The following GRHL1 variants were observed in gnomAD, a reference collection of about 807,000 sequenced individuals.
The protein encoded by GRHL1 is grainyhead-like protein 1 homolog.
In GRHL1, 38 loss-of-function variants were observed where a neutral mutation model predicts 75.7. The observed-to-expected ratio is 0.50, with a 90% CI of 0.39 to 0.66. The LOEUF (loss-of-function observed/expected upper bound fraction) is 0.66. Ranked by LOEUF, GRHL1 falls within the 30% of genes least tolerant of loss-of-function variation. The pLI, the probability that GRHL1 is intolerant of heterozygous loss-of-function variation, is 0.00. For missense variants in GRHL1, 589 were observed against 767.5 expected, an observed-to-expected ratio of 0.77 and a Z score of 2.75; for synonymous variants, 266 against 279.4, an observed-to-expected ratio of 0.95 and a Z score of 0.48.
At chr2:9,993,357 A>G (rs1668725340) in intron 12 of GRHL1, 113 bp downstream of exon 12, 1 of 837,364 alleles carries the variant, frequency 1.2e-6, no homozygotes. Context: ...CATCAAGGAT[A>G]AGTTGCCAGC....
At chr2:9,979,305 G>C (rs116088154) in intron 8 of GRHL1, among the ~76,000 whole-genome samples, 5,089 of 151,008 alleles carry the variant, frequency 0.034, 303 homozygotes, top group African/African-American at 0.12. Flanking sequence ...GCATGACACA[G>C]CTCACTGCAG....
chr2:9,972,293 A>C (rs1572355317), intron 8 of GRHL1, among the ~76,000 whole-genome samples: 1 of 146,816 alleles, frequency 6.8e-6, no homozygotes, highest in African/African-American at 2.5e-5. Context: ...ACAGCTTGTC[A>C]CCTTAACCCT....
At chr2:9,954,518 G>A (rs1666927186) in intron 1 of GRHL1, among the ~76,000 whole-genome samples, 1 of 152,188 alleles carries the variant, frequency 6.6e-6, no homozygotes, top group African/African-American at 2.4e-5. Flanking sequence ...AACGGCACAC[G>A]CTCTTCTCAA....
chr2:9,996,225 A>G (rs1011728322), intron 13 of GRHL1, 91 bp from the exon 14 acceptor site: 68 of 896,558 alleles, frequency 7.6e-5, no homozygotes, highest in Non-Finnish European at 1.2e-4. Context: ...TTTAGCTGGT[A>G]CCGTGGTCTG....
In GRHL1 at chr2:9,964,746, A is replaced by G. The variant is rs1667418474; in HGVS notation, c.1015+400A>G. ...TATTGCTGCTGTGCAGTTGCCTAAC[A>G]GTCTTCCCTAGTCACGTGCTAAACC... On this transcript the variant is annotated intron_variant, in intron 7 of 15. Transcript: ENST00000324907. 2.8e-5 allele frequency: 5 copies of G among 175,470 alleles called. No individual in the cohort carries two copies. The South Asian group carries it at 4.3e-4, about 15-fold the overall frequency. 10.9% of individuals were successfully genotyped at this position (175,470 alleles called of 1,614,324 possible).
intron 2 of GRHL1, among the ~76,000 whole-genome samples, chr2:9,958,372 G>A (rs1667127142): frequency 6.6e-6 from 1 of 151,910 alleles, no homozygotes; most frequent in Non-Finnish European, 1.5e-5. Context: ...GTAGAAATGA[G>A]TTTCACTGTG....
intron 3 of GRHL1, 145 bp from the exon 4 acceptor site, chr2:9,960,901 C>T (rs1239037464): frequency 3.4e-6 from 2 of 593,264 alleles, no homozygotes; most frequent in Non-Finnish European, 5.8e-6. Context: ...TTCCCTTTAT[C>T]TAGTAATGGG....
chr2:9,997,244 A>G (rs1252352877), intron 14 of GRHL1, among the ~76,000 whole-genome samples: 1 of 152,160 alleles, frequency 6.6e-6, no homozygotes, highest in Non-Finnish European at 1.5e-5. Context: ...TTTATTTTGT[A>G]GTTAGGAAGA....
intron 5 of GRHL1, among the ~76,000 whole-genome samples, chr2:9,963,339 A>G (rs1667353330): frequency 6.6e-6 from 1 of 152,244 alleles, no homozygotes; most frequent in South Asian, 2.1e-4. Context: ...CTATGTGCTA[A>G]TAAAACTTTA....
chr2:9,976,437 C>T (rs190292677), intron 8 of GRHL1, among the ~76,000 whole-genome samples: 12 of 152,176 alleles, frequency 7.9e-5, no homozygotes, highest in Admixed American at 2.6e-4. Flanking sequence ...GGGGTGCCCT[C>T]GCAAGGAGCT....
intron 8 of GRHL1, among the ~76,000 whole-genome samples, chr2:9,969,203 T>C (rs1330613801): frequency 6.6e-6 from 1 of 152,206 alleles, no homozygotes; most frequent in African/African-American, 2.4e-5. Flanking sequence ...CCTGAAGATC[T>C]AAAATAAACA....
chr2:9,996,458 A>T, intron 14 of GRHL1, 57 bp downstream of exon 14: 2 of 1,111,920 alleles, frequency 1.8e-6, no homozygotes, highest in Non-Finnish European at 2.8e-6. Context: ...AGTACATAGG[A>T]TTTCATTGAA....
Position 9,955,072 on chromosome 2 carries a change from G to C in GRHL1, c.178G>C (p.Ala60Pro), listed in dbSNP as rs749063345. ...CAATGGAGATGAAGACAGCGCCGCTGCGCTGGGCCTGCTCTATGACTACTA... is the reference window on the plus strand; with the variant it reads ...CAATGGAGATGAAGACAGCGCCGCTCCGCTGGGCCTGCTCTATGACTACTA... ...SINGDEDSAA[A>P]LGLLYDYYKV... Residue 60 changes from alanine to proline, a missense_variant, in exon 2 of 16, where the codon GCG (alanine) becomes CCG (proline). Coordinates refer to ENST00000324907, the MANE Select transcript of GRHL1 (RefSeq NM_198182.3). 1 of 1,613,648 alleles carries C rather than the reference G, an allele frequency of 6.2e-7. No individual in the cohort carries two copies. The highest frequency in any genetic ancestry group is 1.1e-5 in the South Asian group (1 of 91,054).
chr2:9,981,127 C>G (rs1236133145), intron 8 of GRHL1, among the ~76,000 whole-genome samples: 1 of 152,210 alleles, frequency 6.6e-6, no homozygotes, highest in African/African-American at 2.4e-5. Context: ...TCTACACTCG[C>G]CATATGTGTA....
rs760224506 is a variant in GRHL1 at position 9,990,816 on chromosome 2, C to T, written c.1321+69C>T. On this transcript the variant is annotated intron_variant, in intron 10 of 15. Coordinates refer to ENST00000324907, the MANE Select transcript of GRHL1 (RefSeq NM_198182.3). This position sits in a 1 kb window ranked among gnomAD's most constrained non-coding sequence, Gnocchi z 4.2. ...GAAATGTTCCCGGCAAGCTTCAGAC[C>T]TTTTCCATTGAGAATGGTGGCTGGA... 7.8e-7 allele frequency: 1 copy of T among 1,287,070 alleles called. No individual in the cohort carries two copies. Among genetic ancestry groups the T allele is most frequent in the East Asian group, 2.3e-5 (1 of 42,852 alleles). 79.7% of individuals were successfully genotyped at this position (1,287,070 alleles called of 1,614,324 possible).
chr2:9,981,487 A>G (rs1668194600), intron 8 of GRHL1, among the ~76,000 whole-genome samples: 1 of 152,238 alleles, frequency 6.6e-6, no homozygotes, highest in East Asian at 1.9e-4. Flanking sequence ...TCAGCAGACG[A>G]CAGCTCTGAG....
intron 8 of GRHL1, among the ~76,000 whole-genome samples, chr2:9,983,692 G>A (rs768948600): frequency 6.6e-6 from 1 of 152,058 alleles, no homozygotes; most frequent in Middle Eastern, 3.4e-3. Flanking sequence ...GGCCTAGAAT[G>A]ACAGAAAAAA....
chr2:9,977,865 A>T (rs1668014893), intron 8 of GRHL1, among the ~76,000 whole-genome samples: 1 of 152,226 alleles, frequency 6.6e-6, no homozygotes, highest in Non-Finnish European at 1.5e-5. Flanking sequence ...TGATAAAGAC[A>T]TACCCGAGAC....
intron 3 of GRHL1, chr2:9,959,404 G>A (rs1263237871): frequency 6.6e-6 from 1 of 152,358 alleles, no homozygotes; most frequent in East Asian, 1.9e-4. Context: ...CATATTTAAA[G>A]GAAGAATGAT....
Sources: allele counts gnomAD v4.1 joint callset (sites outside exome capture counted in the v4.1 genomes callset), GRCh38; gene constraint gnomAD v4.1.1; non-coding constraint Gnocchi (gnomAD v3.1); transcripts MANE v1.5; gene names NCBI Gene and HGNC (gene_info 2026-07-23, HGNC 2026-07-21).